The following AGMO variants were observed in gnomAD, a reference collection of about 807,000 sequenced individuals.
The protein encoded by AGMO is glyceryl-ether monooxygenase.
In AGMO, 75 loss-of-function variants were observed where a neutral mutation model predicts 60.2. The observed-to-expected ratio is 1.25, with a 90% CI of 1.03 to 1.51. The LOEUF is 1.51. Among genes scored for constraint, AGMO ranks in the 40% most tolerant of loss-of-function variants. AGMO has a pLI of 0.00. For missense variants in AGMO, 763 were observed against 525.5 expected (o/e 1.45, Z -4.42); for synonymous variants, 261 against 177.1 (o/e 1.47, Z -3.76).
At chr7:15,136,397 T>C in the AGMO span, among the ~76,000 whole-genome samples, 7 of 152,228 alleles carry the variant, frequency 4.6e-5, no homozygotes, top group Admixed American at 3.3e-4. Context: ...TACTGTCAGC[T>C]GCACTATTCC....
intron 8 of AGMO, among the ~76,000 whole-genome samples, chr7:15,388,956 C>T (rs555520150): frequency 5.9e-5 from 9 of 152,326 alleles, no homozygotes; most frequent in African/African-American, 1.9e-4. Flanking sequence ...CTAACAGTTT[C>T]AGCAGCTGTT....
intron 5 of AGMO, among the ~76,000 whole-genome samples, chr7:15,411,339 T>C (rs1386523577): frequency 2.0e-5 from 3 of 151,732 alleles, no homozygotes; most frequent in Admixed American, 6.6e-5. Flanking sequence ...ATTGTTATAA[T>C]CCTCATTACA....
intron 3 of AGMO, among the ~76,000 whole-genome samples, chr7:15,474,850 T>TA (rs200490171): frequency 0.16 from 23,407 of 150,420 alleles, 1,954 homozygotes; most frequent in African/African-American, 0.19. Context: ...CAAATTTACA[T>TA]AAAAAAAACA....
chr7:15,471,063 C>A (rs974768120), intron 3 of AGMO, among the ~76,000 whole-genome samples: 1 of 151,912 alleles, frequency 6.6e-6, no homozygotes, highest in Non-Finnish European at 1.5e-5. Context: ...AACTCCAGCA[C>A]ATTAAAATGG....
chr7:15,429,757 T>C (rs566805037), intron 4 of AGMO, among the ~76,000 whole-genome samples: 27 of 152,138 alleles, frequency 1.8e-4, no homozygotes, highest in Non-Finnish European at 3.5e-4. Context: ...TTAGCACACA[T>C]GCCAGTGTAT....
chr7:15,317,642 A>G (rs1224999666), intron 12 of AGMO, among the ~76,000 whole-genome samples: 1 of 151,988 alleles, frequency 6.6e-6, no homozygotes, highest in Non-Finnish European at 1.5e-5. Flanking sequence ...TATAACTACT[A>G]ATGGTAAAAT....
At chr7:15,117,348 T>C in the AGMO span, among the ~76,000 whole-genome samples, 1 of 152,068 alleles carries the variant, frequency 6.6e-6, no homozygotes, top group African/African-American at 2.4e-5. Context: ...ATGGATACTA[T>C]GTAAATGTCC....
chr7:15,319,931 TA>T (rs562276263), intron 12 of AGMO, among the ~76,000 whole-genome samples: 115 of 152,186 alleles, frequency 7.6e-4, no homozygotes, highest in Non-Finnish European at 1.4e-3. Flanking sequence ...AATGTATCCA[TA>T]AAAAATGATG....
At chr7:15,464,952 T>G (rs535163168) in intron 3 of AGMO, among the ~76,000 whole-genome samples, 2 of 152,320 alleles carry the variant, frequency 1.3e-5, no homozygotes, top group Admixed American at 1.3e-4. Flanking sequence ...TCACTGCGAC[T>G]AGCAAGCACA....
chr7:15,469,718 T>G (rs1276823084), intron 3 of AGMO, among the ~76,000 whole-genome samples: 1 of 152,020 alleles, frequency 6.6e-6, no homozygotes, highest in Non-Finnish European at 1.5e-5. Context: ...TATGAGATGG[T>G]GATGATATTA....
intron 3 of AGMO, among the ~76,000 whole-genome samples, chr7:15,503,559 A>G (rs1413952130): frequency 6.6e-6 from 1 of 152,054 alleles, no homozygotes; most frequent in Non-Finnish European, 1.5e-5. Context: ...TGTCAAGAAG[A>G]AATAATCCAA....
At chr7:15,353,110 G>A (rs528019342) in intron 12 of AGMO, among the ~76,000 whole-genome samples, 10 of 152,088 alleles carry the variant, frequency 6.6e-5, no homozygotes, top group African/African-American at 1.9e-4. Context: ...AGGGGGCAGG[G>A]TTCTTTTTTA....
chr7:15,429,040 A>G (rs2128497681), intron 4 of AGMO, among the ~76,000 whole-genome samples: 1 of 152,220 alleles, frequency 6.6e-6, no homozygotes, highest in South Asian at 2.1e-4. Flanking sequence ...AACTGCTCTG[A>G]AGCCTTAATC....
rs563370282 is a variant in AGMO, at chr7:15,494,969, G to A, written c.409+49803C>T. Among the ~76,000 whole-genome samples the A allele has an allele frequency of 3.9e-5, 6 of 152,312 alleles. No homozygotes were observed. The East Asian group carries it at 9.7e-4, about 25-fold the overall frequency. On this transcript the variant is annotated intron_variant, in intron 3 of 12. Transcript: ENST00000342526. ...ACATTTTTACAATTTGCCTGAGAAG[G>A]CAGCTGCCATAATTGTAAATAAATA... is the stretch of plus-strand genomic sequence containing the variant.
At chr7:15,382,447 G>T (rs1783731312) in intron 10 of AGMO, among the ~76,000 whole-genome samples, 2 of 152,088 alleles carry the variant, frequency 1.3e-5, no homozygotes, top group South Asian at 4.1e-4. Context: ...TGTTAGTTAT[G>T]GGTTTAGTGT....
intron 12 of AGMO, among the ~76,000 whole-genome samples, chr7:15,250,581 ACACT>A (rs1438612632): frequency 6.8e-6 from 1 of 147,546 alleles, no homozygotes; most frequent in African/African-American, 2.6e-5. Context: ...ACACACACAC[ACACT>A]CTGGTTTATA....
At chr7:15,122,887 A>T in the AGMO span, among the ~76,000 whole-genome samples, 2 of 151,906 alleles carry the variant, frequency 1.3e-5, no homozygotes, top group Admixed American at 1.3e-4. Context: ...TTAAAACTTA[A>T]ATATAATCAT....
intron 3 of AGMO, among the ~76,000 whole-genome samples, chr7:15,521,075 C>A (rs1380278574): frequency 6.6e-6 from 1 of 152,106 alleles, no homozygotes; most frequent in African/African-American, 2.4e-5. Flanking sequence ...CACCTCTATG[C>A]AAATAAATTA....
chr7:15,129,455 T>C, the AGMO span, among the ~76,000 whole-genome samples: 1 of 152,168 alleles, frequency 6.6e-6, no homozygotes, highest in Non-Finnish European at 1.5e-5. Context: ...AGAATCTTTT[T>C]TGTGTGAAAA....
Sources: allele counts gnomAD v4.1 joint callset (sites outside exome capture counted in the v4.1 genomes callset), GRCh38; gene constraint gnomAD v4.1.1; transcripts MANE v1.5; gene names NCBI Gene and HGNC (gene_info 2026-07-23, HGNC 2026-07-21).